CDC34: variants seen among roughly 807,000 people sequenced by gnomAD.
CDC34 encodes cell division cycle 34, ubiquitin conjugating enzyme, also known as ubiquitin-conjugating enzyme E2 R1.
A neutral mutation model predicts 26.8 loss-of-function variants in CDC34; 18 were observed. That is an observed-to-expected ratio of 0.67 (90% CI 0.47 to 1.00). The LOEUF is 1.00. CDC34 is among the 50% of genes least tolerant of loss of function. CDC34 has a pLI of 0.00. For missense variants in CDC34, 280 were observed against 334.5 expected, an observed-to-expected ratio of 0.84 and a Z score of 1.27; for synonymous variants, 178 against 147.5, an observed-to-expected ratio of 1.21 and a Z score of -1.50.
Position 536,300 on chromosome 19 carries a change from G to T in CDC34, c.322G>T (p.Glu108Ter). Reference protein sequence around the residue: ...HPPVDDPQSGELPSERWNPTQ... With the variant: ...HPPVDDPQSG ...GCCGGTGGACGACCCCCAGAGCGGG[G>T]AGCTGCCCTCAGAGAGGTGGAACCC... is the stretch of plus-strand genomic sequence containing the variant. Residue 108 changes from glutamate (E) to a stop codon, truncating the protein, a stop_gained, in exon 3 of 5, where the codon GAG (glutamate) becomes TAG (stop). Coordinates refer to ENST00000215574, the MANE Select transcript of CDC34 (RefSeq NM_004359.2). LOFTEE classifies it high-confidence loss of function. The T allele has an allele frequency of 6.2e-7, 1 of 1,612,518 alleles. No homozygotes were observed. Among genetic ancestry groups the T allele is most frequent in the Non-Finnish European group, 8.5e-7 (1 of 1,179,724 alleles).
Position 532,118 on chromosome 19 carries a change from G to T in CDC34, c.177+10G>T. ...GGGCGGCTACTTCAAGGTGAGCGCG[G>T]CGACCCCCGCCCGGGTCCCGGAGCC... On this transcript the variant is annotated intron_variant, in intron 1 of 4. Coordinates refer to ENST00000215574, the MANE Select transcript of CDC34 (RefSeq NM_004359.2). 1 of 1,490,398 alleles carries T rather than the reference G, an allele frequency of 6.7e-7. No individual in the cohort carries two copies. Among genetic ancestry groups the T allele is most frequent in the South Asian group, 1.4e-5 (1 of 72,736 alleles). The allele number at this position is 1,490,398 out of a possible 1,614,324, so 92.3% of individuals were successfully genotyped here.
intron 1 of CDC34, among the ~76,000 whole-genome samples, chr19:533,229 C>T (rs1257994728): frequency 6.6e-6 from 1 of 152,120 alleles, no homozygotes; most frequent in African/African-American, 2.4e-5. Context: ...CCAGGAATCT[C>T]CCCCTCCCAC....
rs558211066 is a variant in CDC34 at position 541,331 on chromosome 19, C to G, written c.498-8C>G. ...TGGGTGGCGCCCTCACCCACCCTGT[C>G]CCCCCAGGAAGCAGGTCCTGGGGAC... On this transcript the variant is annotated splice_region_variant and splice_polypyrimidine_tract_variant and intron_variant, in intron 4 of 4. Coordinates refer to ENST00000215574, the MANE Select transcript of CDC34 (RefSeq NM_004359.2). 6.4e-7 allele frequency: 1 copy of G among 1,550,912 alleles called. No homozygotes were observed. Among genetic ancestry groups the G allele is most frequent in the South Asian group, 1.2e-5 (1 of 85,616 alleles).
At position 532,036 on chromosome 19, in the gene CDC34, G is replaced by A. The variant is rs751549589; in HGVS notation, c.105G>A (p.Glu35=). 72 of 1,521,814 alleles carry A rather than the reference G, an allele frequency of 4.7e-5. No homozygotes were observed. Among genetic ancestry groups the A allele is most frequent in the Non-Finnish European group, 5.8e-5 (66 of 1,143,534 alleles). The allele number at this position is 1,521,814 out of a possible 1,614,324, so 94.3% of individuals were successfully genotyped here. The change falls in exon 1 of 5, where the codon GAG becomes GAA. Residue 35 remains glutamate, a synonymous_variant. Coordinates refer to ENST00000215574, the MANE Select transcript of CDC34 (RefSeq NM_004359.2). ...GATTCCGCGTGACACTGGTGGACGAGGGCGATCTATACAACTGGGAGGTGG... is the reference window on the plus strand; with the variant it reads ...GATTCCGCGTGACACTGGTGGACGAAGGCGATCTATACAACTGGGAGGTGG... The part of the protein sequence containing the change: ...VEGFRVTLVD[E]GDLYNWEVAI...
chr19:541,448 T>TCAGA lies in CDC34; in HGVS notation c.609_612dup (p.Leu205ArgfsTer25), dbSNP rs1269169917. 6.2e-7 allele frequency: 1 copy of TCAGA among 1,612,826 alleles called. No homozygotes were observed. The highest frequency in any genetic ancestry group is 1.1e-5 in the South Asian group (1 of 91,070). Reference sequence around the variant, plus strand: ...CAAGGCGCCGGCGCCCGACGAGGGCTCAGACCTCTTCTACGACGACTACTA... The same window carrying TCAGA: ...CAAGGCGCCGGCGCCCGACGAGGGCTCAGACAGACCTCTTCTACGACGACTACTA... On this transcript the variant is annotated frameshift_variant, in exon 5 of 5. Coordinates refer to ENST00000215574, the MANE Select transcript of CDC34 (RefSeq NM_004359.2). LOFTEE classifies it high-confidence loss of function.
chr19:537,223 C>T (rs1443737313), intron 4 of CDC34, 76 bp downstream of exon 4: 1 of 1,523,624 alleles, frequency 6.6e-7, no homozygotes, highest in Non-Finnish European at 9.0e-7. Context: ...CCCACGGCCG[C>T]CCAGCCCCAC....
At chr19:535,357 A>G (rs1979691379) in intron 1 of CDC34, among the ~76,000 whole-genome samples, 1 of 152,350 alleles carries the variant, frequency 6.6e-6, no homozygotes, top group African/African-American at 2.4e-5. Flanking sequence ...AGTGTTTGCT[A>G]ACTGAGCAAT....
intron 3 of CDC34, chr19:536,581 C>T (rs993771829): frequency 5.0e-5 from 29 of 579,662 alleles, no homozygotes; most frequent in South Asian, 2.5e-4. Flanking sequence ...CCGGCCCCAC[C>T]GTCTGGAACC....
intron 4 of CDC34, among the ~76,000 whole-genome samples, chr19:538,077 C>T (rs1300755477): frequency 6.6e-6 from 1 of 151,396 alleles, no homozygotes; most frequent in Non-Finnish European, 1.5e-5. Context: ...GAACATGTGT[C>T]TGTGCCTTAA....
chr19:538,851 G>A (rs966286687), intron 4 of CDC34: 2 of 985,138 alleles, frequency 2.0e-6, no homozygotes, highest in Non-Finnish European at 2.4e-6. Flanking sequence ...GGCCTCTGGA[G>A]GTCACAGGGT....
chr19:536,022 G>A (rs1012873812), intron 2 of CDC34, 99 bp downstream of exon 2: 89 of 1,256,726 alleles, frequency 7.1e-5, no homozygotes, highest in Non-Finnish European at 9.7e-5. Context: ...GGCGCTGGGA[G>A]CCTCACGTCC....
chr19:538,102 C>T (rs1979845229), intron 4 of CDC34, among the ~76,000 whole-genome samples: 1 of 151,992 alleles, frequency 6.6e-6, no homozygotes, highest in African/African-American at 2.4e-5. Flanking sequence ...GAAATGGGGT[C>T]GTGCTGTGTG....
chr19:531,843 C>G lies in CDC34; in HGVS notation c.-89C>G. 1.2e-6 allele frequency: 1 copy of G among 827,246 alleles called. No individual in the cohort carries two copies. The highest frequency in any genetic ancestry group is 1.5e-6 in the Non-Finnish European group (1 of 648,408). 51.2% of individuals were successfully genotyped at this position (827,246 alleles called of 1,614,324 possible). A position where few individuals can be genotyped will look rare whatever the true frequency, so the allele number is the denominator to read the frequency against. ...GGCGGCGGCCCCGGTGGCTCCCCCC[C>G]GGACGGTGCGCGGCCCGGCCCGTCT... On this transcript the variant is annotated 5_prime_UTR_variant, in exon 1 of 5. Transcript: ENST00000215574.
intron 4 of CDC34, 34 bp from the exon 5 acceptor site, chr19:541,305 G>C (rs780166131): frequency 2.0e-6 from 3 of 1,504,344 alleles, no homozygotes; most frequent in African/African-American, 2.8e-5. Context: ...GTCCAGGCAC[G>C]TGGGTGGCGC....
At position 540,881 on chromosome 19, in the gene CDC34, G is replaced by A. The variant is rs73489739; in HGVS notation, c.498-458G>A. The stretch of plus-strand genomic sequence containing the variant: ...CTGAGGCCACGGAGAGGCTCAGGCC[G>A]TTTTTGCGTTTCCCATCTCACCTGT... On this transcript the variant is annotated intron_variant, in intron 4 of 4. Coordinates refer to ENST00000215574, the MANE Select transcript of CDC34 (RefSeq NM_004359.2). Among the ~76,000 whole-genome samples the A allele has an allele frequency of 7.5e-3, 1,137 of 151,322 alleles. 25 individuals are homozygous for A. Among genetic ancestry groups the A allele is most frequent in the African/African-American group, 0.027 (1,081 of 40,696 alleles).
In CDC34 at chr19:536,820, C is replaced by T. The variant is rs189477909; in HGVS notation, c.363-193C>T. 2.3e-4 allele frequency: 142 copies of T among 626,622 alleles called. 1 individual carries two copies. Among genetic ancestry groups the T allele is most frequent in the African/African-American group, 2.0e-3 (112 of 54,692 alleles). The allele number at this position is 626,622 out of a possible 1,614,324, so 38.8% of individuals were successfully genotyped here. The stretch of plus-strand genomic sequence containing the variant: ...ACCTTGCTGCCCTCCCTGGTCTTGG[C>T]GTGGGAGGGAGGAGACTGATGCAGG... On this transcript the variant is annotated intron_variant, in intron 3 of 4. Coordinates refer to ENST00000215574, the MANE Select transcript of CDC34 (RefSeq NM_004359.2).
chr19:541,686 T>G lies in CDC34; in HGVS notation c.*134T>G. 1 of 951,494 alleles carries G rather than the reference T, an allele frequency of 1.1e-6. No homozygotes were observed. The highest frequency in any genetic ancestry group is 1.9e-5 in the South Asian group (1 of 52,614). The allele number at this position is 951,494 out of a possible 1,614,324, so 58.9% of individuals were successfully genotyped here. A position where few individuals can be genotyped will look rare whatever the true frequency, so the allele number is the denominator to read the frequency against. On this transcript the variant is annotated 3_prime_UTR_variant, in exon 5 of 5. Transcript: ENST00000215574. ...TTGTTTCGTTTTGGCTTTTTCTCCC[T>G]CCCCATGTCTGTTCTGGGTTTTCAC...
chr19:537,669 T>TTTTTTTTG (rs1979822652), intron 4 of CDC34, among the ~76,000 whole-genome samples: 1 of 141,904 alleles, frequency 7.0e-6, no homozygotes, highest in Admixed American at 7.2e-5. Flanking sequence ...TTTTTTTTTT[T>TTTTTTTTG]TTTGGAGACA....
Position 532,105 on chromosome 19 carries a change from C to T in CDC34, c.174C>T (p.Phe58=), listed in dbSNP as rs769854214. The change falls in exon 1 of 5, where the codon TTC becomes TTT. Residue 58 remains phenylalanine, a synonymous_variant. Transcript: ENST00000215574. ...ACACCTACTACGAGGGCGGCTACTT[C>T]AAGGTGAGCGCGGCGACCCCCGCCC... ...PPNTYYEGGY[F]KARLKFPIDY... 23 of 1,506,992 alleles carry T rather than the reference C, an allele frequency of 1.5e-5. No homozygotes were observed. In the Admixed American group the frequency reaches 3.9e-4, roughly 26 times the overall value. The allele number at this position is 1,506,992 out of a possible 1,614,324, so 93.4% of individuals were successfully genotyped here. A position where few individuals can be genotyped will look rare whatever the true frequency, so the allele number is the denominator to read the frequency against.
Sources: gnomAD v4.1 joint callset for allele counts (sites outside exome capture counted in the v4.1 genomes callset) on GRCh38, gnomAD v4.1.1 for gene constraint, MANE v1.5 for transcripts, NCBI Gene and HGNC (gene_info 2026-07-23, HGNC 2026-07-21) for gene names.